The following PACRG variants were observed in gnomAD, a reference collection of about 807,000 sequenced individuals.
PACRG encodes the protein parkin coregulated gene protein.
In PACRG, 29 loss-of-function variants were observed where a neutral mutation model predicts 29.7. The observed-to-expected ratio is 0.98, with a 90% CI of 0.73 to 1.33. The LOEUF is 1.33. Among genes scored for constraint, PACRG ranks in the 40% most tolerant of loss-of-function variants. The pLI, the probability that PACRG is intolerant of heterozygous loss-of-function variation, is 0.00. For missense variants in PACRG, 279 were observed against 316.2 expected (o/e 0.88, Z 0.89); for synonymous variants, 116 against 118.7 (o/e 0.98, Z 0.15).
chr6:163,035,824 A>AAG (rs1562852846), intron 2 of PACRG, among the ~76,000 whole-genome samples: 1 of 151,130 alleles, frequency 6.6e-6, no homozygotes, highest in Non-Finnish European at 1.5e-5. Context: ...AAAAAAAAAA[A>AAG]AAAAAAAAAA....
At chr6:162,857,770 T>TG (rs1008758706) in intron 2 of PACRG, among the ~76,000 whole-genome samples, 28 of 148,422 alleles carry the variant, frequency 1.9e-4, no homozygotes, top group African/African-American at 5.7e-4. Flanking sequence ...TTTGCTCTGT[T>TG]TTTTTTTTTT....
chr6:163,257,845 T>C (rs1783175880), intron 4 of PACRG, among the ~76,000 whole-genome samples: 1 of 152,232 alleles, frequency 6.6e-6, no homozygotes, highest in African/African-American at 2.4e-5. Flanking sequence ...GGATTTATAT[T>C]TTTATTACAA....
Position 162,728,114 on chromosome 6 carries a change from G to A in PACRG, c.-122G>A. 1 of 1,185,256 alleles carries A rather than the reference G, an allele frequency of 8.4e-7. No individual in the cohort carries two copies. The highest frequency in any genetic ancestry group is 2.1e-5 in the Admixed American group (1 of 48,670). The allele number at this position is 1,185,256 out of a possible 1,614,324, so 73.4% of individuals were successfully genotyped here. On this transcript the variant is annotated 5_prime_UTR_variant, in exon 1 of 5. Coordinates refer to ENST00000366888, the MANE Select transcript of PACRG (RefSeq NM_001080379.2). Reference sequence around the variant, plus strand: ...TCTGGATCAACCTGGGCACTACGAGGGGTTGAATTTCTACCATTATCGCGC... The same window carrying A: ...TCTGGATCAACCTGGGCACTACGAGAGGTTGAATTTCTACCATTATCGCGC...
Position 163,287,483 on chromosome 6 carries a change from C to T in PACRG, c.614-27344C>T, listed in dbSNP as rs1297505451. Among the ~76,000 whole-genome samples, 5 of 152,310 alleles carry T rather than the reference C, an allele frequency of 3.3e-5. No homozygotes were observed. The East Asian group carries it at 5.8e-4, about 18-fold the overall frequency. ...TGCTCACCTCCTCCTGCGGAGGCTG[C>T]CCAGGCCCCTCACAGCCCGCAGGAT... On this transcript the variant is annotated intron_variant, in intron 4 of 4. Transcript: ENST00000366888.
chr6:162,926,929 A>C (rs183385855), intron 2 of PACRG, among the ~76,000 whole-genome samples: 1 of 152,302 alleles, frequency 6.6e-6, no homozygotes, highest in Non-Finnish European at 1.5e-5. Context: ...TAATATGCGG[A>C]ATTTACAAGG....
chr6:163,257,312 T>C (rs1020003186), intron 4 of PACRG, among the ~76,000 whole-genome samples: 1 of 151,718 alleles, frequency 6.6e-6, no homozygotes, highest in Non-Finnish European at 1.5e-5. Flanking sequence ...GGGGGCTGTA[T>C]GGATAGGGGT....
At chr6:163,029,194 A>ACATT (rs1264807261) in intron 2 of PACRG, among the ~76,000 whole-genome samples, 21 of 152,326 alleles carry the variant, frequency 1.4e-4, no homozygotes, top group South Asian at 1.0e-3. Context: ...ATAAGGAGAC[A>ACATT]CATTCTCCCC....
chr6:163,247,867 C>A (rs1209020721), intron 4 of PACRG, among the ~76,000 whole-genome samples: 3 of 152,188 alleles, frequency 2.0e-5, no homozygotes, highest in African/African-American at 4.8e-5. Context: ...AAATTCTTTT[C>A]TACTTTTTCC....
intron 4 of PACRG, among the ~76,000 whole-genome samples, chr6:163,230,245 C>A (rs933962500): frequency 6.6e-6 from 1 of 152,200 alleles, no homozygotes. Flanking sequence ...AATTTTTAAT[C>A]TCTTCATTGT....
chr6:162,972,302 A>G (rs1183415870), intron 2 of PACRG, among the ~76,000 whole-genome samples: 1 of 152,186 alleles, frequency 6.6e-6, no homozygotes, highest in Admixed American at 6.5e-5. Flanking sequence ...TCTTAAGGCC[A>G]GTTATTCCTC....
intron 2 of PACRG, among the ~76,000 whole-genome samples, chr6:162,829,235 C>T (rs1788536411): frequency 6.6e-6 from 1 of 152,152 alleles, no homozygotes; most frequent in African/African-American, 2.4e-5. Context: ...AGAGGGCACA[C>T]GAAAGCAAGC....
intron 4 of PACRG, among the ~76,000 whole-genome samples, chr6:163,223,485 T>C (rs1448860676): frequency 1.3e-5 from 2 of 151,696 alleles, no homozygotes; most frequent in Non-Finnish European, 2.9e-5. Flanking sequence ...AAACATTTTC[T>C]GAGTGCCCAC....
intron 4 of PACRG, among the ~76,000 whole-genome samples, chr6:163,208,164 A>G (rs1294984224): frequency 6.6e-6 from 1 of 152,238 alleles, no homozygotes; most frequent in Non-Finnish European, 1.5e-5. Flanking sequence ...ACTAGCTTAT[A>G]TTGCACAATC....
chr6:163,037,820 TCTCTCCTGC>T (rs1299691593), intron 2 of PACRG, among the ~76,000 whole-genome samples: 1 of 152,178 alleles, frequency 6.6e-6, no homozygotes, highest in African/African-American at 2.4e-5. Context: ...ACTCACCCTG[TCTCTCCTGC>T]CTCTGCTGCC....
At chr6:162,795,954 T>C (rs1370668715) in intron 1 of PACRG, among the ~76,000 whole-genome samples, 2 of 152,322 alleles carry the variant, frequency 1.3e-5, no homozygotes, top group African/African-American at 4.8e-5. Context: ...ACTAAGTTTC[T>C]ATGTTACTTA....
chr6:163,153,206 G>T (rs1778171215), intron 4 of PACRG, among the ~76,000 whole-genome samples: 1 of 152,274 alleles, frequency 6.6e-6, no homozygotes, highest in African/African-American at 2.4e-5. Context: ...AGTATAGTCA[G>T]GAATTTTTAG....
At chr6:163,049,708 C>T (rs1303349738) in intron 2 of PACRG, among the ~76,000 whole-genome samples, 4 of 151,972 alleles carry the variant, frequency 2.6e-5, no homozygotes, top group Admixed American at 2.0e-4. Flanking sequence ...TAATTATTCT[C>T]ATAGTAAGAG....
chr6:162,962,681 T>G (rs1238102499), intron 2 of PACRG, among the ~76,000 whole-genome samples: 1 of 152,228 alleles, frequency 6.6e-6, no homozygotes, highest in African/African-American at 2.4e-5. Context: ...GCCAGCATCT[T>G]GATCTTGGAC....
intron 2 of PACRG, among the ~76,000 whole-genome samples, chr6:162,859,690 A>G (rs962527008): frequency 5.3e-5 from 8 of 152,212 alleles, no homozygotes; most frequent in Non-Finnish European, 1.0e-4. Context: ...TGCCCTGAAC[A>G]GAAAGGCCAA....
Sources: gnomAD v4.1 joint callset for allele counts (sites outside exome capture counted in the v4.1 genomes callset) on GRCh38, gnomAD v4.1.1 for gene constraint, MANE v1.5 for transcripts, NCBI Gene and HGNC (gene_info 2026-07-23, HGNC 2026-07-21) for gene names.